Variants in PLAGL1 observed in about 807,000 individuals in gnomAD.
PLAGL1 encodes the protein PLAG1 like zinc finger 1.
Under a neutral mutation model 4.6 loss-of-function variants are expected in PLAGL1, and 1 was observed. That is an observed-to-expected ratio of 0.22 (90% CI 0.08 to 1.03). The LOEUF is 1.03. Ranked by LOEUF, PLAGL1 falls within the 50% of genes least tolerant of loss-of-function variation. The pLI is 0.58. For synonymous variants in PLAGL1, 240 were observed against 237.8 expected (o/e 1.01, Z -0.08); for missense variants, 464 against 570.4 (o/e 0.81, Z 1.90).
chr6:144,042,173 CGTTTAATTAGATCCCATTT>C (rs1347674078), intron 1 of PLAGL1, among the ~76,000 whole-genome samples: 7 of 152,088 alleles, frequency 4.6e-5, no homozygotes, highest in Non-Finnish European at 1.0e-4. Flanking sequence ...GAACCTCTTT[CGTTTAATTAGATCCCATTT>C]GTCTATTTTG....
In PLAGL1 at chr6:143,941,561, C is replaced by T; in HGVS notation, c.1255G>A (p.Gly419Arg). The T allele has an allele frequency of 6.3e-7, 1 of 1,587,876 alleles. No individual in the cohort carries two copies. Among genetic ancestry groups the T allele is most frequent in the African/African-American group, 1.3e-5 (1 of 74,444 alleles). The change falls in exon 8 of 8, where the codon GGG becomes AGG. Residue 419 changes from glycine (G) to arginine (R), a missense_variant. Gly to Arg is a moderately radical substitution (Grantham distance 125). Transcript: ENST00000674357. The surrounding 1 kb of genome is among the most constrained non-coding windows in gnomAD (Gnocchi z 6.0). ...AGTGGGGGTTCTTGCTGCTGCTGCC[C>T]CAGACAGCTTAACCTGTGGGGCAAA... ...ESLPHRLSCL[G>R]QQQQEPPLAM...
rs1272548523 is a variant in PLAGL1, at chr6:143,962,284, T to C, written c.-398-1742A>G. ...TGACAGGATGCTACTTGCAGATTGCTTTTCAGGTCAGAATTTAGATTTCTA... is the reference window on the plus strand; with the variant it reads ...TGACAGGATGCTACTTGCAGATTGCCTTTCAGGTCAGAATTTAGATTTCTA... On this transcript the variant is annotated intron_variant, in intron 5 of 7. Transcript: ENST00000674357. The surrounding 1 kb of genome is among the most constrained non-coding windows in gnomAD (Gnocchi z 5.3). Among the ~76,000 whole-genome samples, 1 of 152,200 alleles carries C rather than the reference T, an allele frequency of 6.6e-6. No individual in the cohort carries two copies. The highest frequency in any genetic ancestry group is 2.4e-5 in the African/African-American group (1 of 41,446).
rs1246374587 is a variant in PLAGL1 at position 143,965,777 on chromosome 6, T to A, written c.-431+381A>T. 2.0e-5 allele frequency: 3 copies of A among 152,126 alleles called. No homozygotes were observed. Among genetic ancestry groups the A allele is most frequent in the Admixed American group, 2.0e-4 (3 of 15,276 alleles). 9.4% of individuals were successfully genotyped at this position (152,126 alleles called of 1,614,324 possible). On this transcript the variant is annotated intron_variant, in intron 4 of 7. Transcript: ENST00000674357. This position sits in a 1 kb window ranked among gnomAD's most constrained non-coding sequence, Gnocchi z 7.5. ...CCTTGGTTGGCACATGCTTCCCTTG[T>A]CACACCAGACAGGTGAGACCAAGAA...
At position 143,942,204 on chromosome 6, in the gene PLAGL1, C is replaced by T. The variant is rs1182554031; in HGVS notation, c.612G>A (p.Lys204=). 6.2e-7 allele frequency: 1 copy of T among 1,614,022 alleles called. No individual in the cohort carries two copies. Among genetic ancestry groups the T allele is most frequent in the Non-Finnish European group, 8.5e-7 (1 of 1,180,006 alleles). Residue 204 remains lysine (K), a synonymous_variant, in exon 8 of 8, where the codon AAG becomes AAA. Transcript: ENST00000674357. This position sits in a 1 kb window ranked among gnomAD's most constrained non-coding sequence, Gnocchi z 7.6. Reference sequence around the variant, plus strand: ...TCATCAGCTCCTGTGAGTGGGTCTTCTTGGTATGCCGGGTGAGGTGATCCT... The same window carrying T: ...TCATCAGCTCCTGTGAGTGGGTCTTTTTGGTATGCCGGGTGAGGTGATCCT... ...GRKDHLTRHT[K]KTHSQELMKE...
chr6:143,996,399 A>T (rs1791618431), intron 1 of PLAGL1, among the ~76,000 whole-genome samples: 1 of 152,212 alleles, frequency 6.6e-6, no homozygotes, highest in Non-Finnish European at 1.5e-5. Context: ...AGTATGGCAA[A>T]GACTGCCAAT....
At chr6:144,008,559 G>C (rs1039941240), upstream of PLAGL1, 1 of 152,332 alleles carries the variant, frequency 6.6e-6, no homozygotes, top group Admixed American at 6.5e-5. The surrounding 1 kb of genome is among the most constrained non-coding windows in gnomAD (Gnocchi z 6.9). Context: ...GGTCACCGGT[G>C]GGGGCAAAGC....
At position 143,984,865 on chromosome 6, in the gene PLAGL1, C is replaced by T. The variant is rs996056621; in HGVS notation, c.-544+270G>A. Among the ~76,000 whole-genome samples the T allele has an allele frequency of 6.6e-6, 1 of 152,178 alleles. No individual in the cohort carries two copies. Among genetic ancestry groups the T allele is most frequent in the African/African-American group, 2.4e-5 (1 of 41,446 alleles). On this transcript the variant is annotated intron_variant, in intron 2 of 7. Coordinates refer to ENST00000674357, the MANE Select transcript of PLAGL1 (RefSeq NM_001317162.2). The surrounding 1 kb of genome is among the most constrained non-coding windows in gnomAD (Gnocchi z 5.5). ...TATACAACCTCAGCTCTGCCCTTTG[C>T]TCCCACTAACCATAACTCTGATAAG... is the stretch of plus-strand genomic sequence containing the variant.
At chr6:144,010,366 G>A (rs1795086567), upstream of PLAGL1, among the ~76,000 whole-genome samples, 1 of 152,122 alleles carries the variant, frequency 6.6e-6, no homozygotes, top group Admixed American at 6.6e-5. This position sits in a 1 kb window ranked among gnomAD's most constrained non-coding sequence, Gnocchi z 4.1. Context: ...GCGACAAAGA[G>A]AATAAAATAC....
chr6:143,981,275 A>T (rs1205178564), intron 2 of PLAGL1, among the ~76,000 whole-genome samples: 1 of 151,412 alleles, frequency 6.6e-6, no homozygotes, highest in Non-Finnish European at 1.5e-5. Flanking sequence ...GGGGGGACAC[A>T]CTCTTCACTG....
chr6:143,993,315 AC>A (rs1196080649), intron 1 of PLAGL1, among the ~76,000 whole-genome samples: 61 of 136,200 alleles, frequency 4.5e-4, no homozygotes, highest in Non-Finnish European at 5.0e-4. Flanking sequence ...AAACAAAAAA[AC>A]AAAAAACAAA....
chr6:144,041,429 G>A lies in PLAGL1; in HGVS notation c.-151+23039C>T, dbSNP rs570632966. On this transcript the variant is annotated intron_variant, in intron 1 of 3. Transcript: ENST00000437412. ...TTCCCACCTATGAGTGAGAACATGCGGTGTTTGGTTTTTTGTCCCTGTGAC... is the reference window on the plus strand; with the variant it reads ...TTCCCACCTATGAGTGAGAACATGCAGTGTTTGGTTTTTTGTCCCTGTGAC... Among the ~76,000 whole-genome samples, 11 of 152,006 alleles carry A rather than the reference G, an allele frequency of 7.2e-5. No homozygotes were observed. The South Asian group carries it at 1.2e-3, about 17-fold the overall frequency.
intron 2 of PLAGL1, among the ~76,000 whole-genome samples, chr6:143,981,874 C>T (rs1246426917): frequency 1.3e-5 from 2 of 152,194 alleles, no homozygotes; most frequent in African/African-American, 4.8e-5. Context: ...AGTCAAACTA[C>T]TATAGCATCC....
chr6:144,036,631 A>G lies in PLAGL1; in HGVS notation c.-151+27837T>C, dbSNP rs994856761. 1 of 205,608 alleles carries G rather than the reference A, an allele frequency of 4.9e-6. No individual in the cohort carries two copies. Among genetic ancestry groups the G allele is most frequent in the African/African-American group, 2.4e-5 (1 of 41,932 alleles). The allele number at this position is 205,608 out of a possible 1,614,324, so 12.7% of individuals were successfully genotyped here. ...CCAACTCTAGGAACATGTGTTTCTT[A>G]TTCAGAATAGCTTTTTGTTTTGTTT... On this transcript the variant is annotated intron_variant, in intron 1 of 3. Transcript: ENST00000437412. The surrounding 1 kb of genome is among the most constrained non-coding windows in gnomAD (Gnocchi z 5.1).
rs961736980 is a variant in PLAGL1 at position 143,985,844 on chromosome 6, A to G, written c.-583-670T>C. Among the ~76,000 whole-genome samples the G allele has an allele frequency of 4.6e-5, 7 of 150,856 alleles. No homozygotes were observed. The highest frequency in any genetic ancestry group is 8.9e-5 in the Non-Finnish European group (6 of 67,782). ...ATTCCATATTTTCAATATATTACTAACAAGAAACCTCTGAGTGCTTACCAT... is the reference window on the plus strand; with the variant it reads ...ATTCCATATTTTCAATATATTACTAGCAAGAAACCTCTGAGTGCTTACCAT... On this transcript the variant is annotated intron_variant, in intron 1 of 7. Coordinates refer to ENST00000674357, the MANE Select transcript of PLAGL1 (RefSeq NM_001317162.2). The surrounding 1 kb of genome is among the most constrained non-coding windows in gnomAD (Gnocchi z 4.4).
At chr6:144,062,742 A>C (rs1159024782) in intron 1 of PLAGL1, among the ~76,000 whole-genome samples, 1 of 152,192 alleles carries the variant, frequency 6.6e-6, no homozygotes, top group Non-Finnish European at 1.5e-5. Flanking sequence ...GGGCAAAAAA[A>C]CAGCATTTAT....
chr6:144,017,578 A>C (rs1795652377), intron 1 of PLAGL1, among the ~76,000 whole-genome samples: 1 of 152,216 alleles, frequency 6.6e-6, no homozygotes, highest in Non-Finnish European at 1.5e-5. Flanking sequence ...TGCTCAAGGG[A>C]GGACTTTGGC....
chr6:144,014,070 G>T (rs1795393794), intron 1 of PLAGL1, among the ~76,000 whole-genome samples: 1 of 152,072 alleles, frequency 6.6e-6, no homozygotes, highest in Admixed American at 6.6e-5. Flanking sequence ...ATCTTAAAAA[G>T]AAAAACAAAG....
intron 2 of PLAGL1, among the ~76,000 whole-genome samples, chr6:143,981,845 A>C (rs2128608207): frequency 6.6e-6 from 1 of 152,328 alleles, no homozygotes; most frequent in East Asian, 1.9e-4. Context: ...CAGCAACTAG[A>C]GAAGGGTGTA....
At position 143,962,362 on chromosome 6, in the gene PLAGL1, T is replaced by C. The variant is rs1783559675; in HGVS notation, c.-398-1820A>G. On this transcript the variant is annotated intron_variant, in intron 5 of 7. Coordinates refer to ENST00000674357, the MANE Select transcript of PLAGL1 (RefSeq NM_001317162.2). This position sits in a 1 kb window ranked among gnomAD's most constrained non-coding sequence, Gnocchi z 5.3. Reference sequence around the variant, plus strand: ...CGTCAATTATTCTTTTTTAAGTATGTGGTTAAAAATGACCCTATAAAATTA... The same window carrying C: ...CGTCAATTATTCTTTTTTAAGTATGCGGTTAAAAATGACCCTATAAAATTA... Among the ~76,000 whole-genome samples, 1 of 152,206 alleles carries C rather than the reference T, an allele frequency of 6.6e-6. No homozygotes were observed. The highest frequency in any genetic ancestry group is 2.4e-5 in the African/African-American group (1 of 41,436).
Sources: allele counts gnomAD v4.1 joint callset (sites outside exome capture counted in the v4.1 genomes callset), GRCh38; gene constraint gnomAD v4.1.1; non-coding constraint Gnocchi (gnomAD v3.1); transcripts MANE v1.5; gene names NCBI Gene and HGNC (gene_info 2026-07-23, HGNC 2026-07-21).